Variants in CSMD1 observed in about 807,000 individuals in gnomAD.
CSMD1 encodes the protein CUB and Sushi multiple domains 1.
In CSMD1, 213 loss-of-function variants were observed where a neutral mutation model predicts 417.5. That is an observed-to-expected ratio of 0.51 (90% CI 0.46 to 0.57). CSMD1 has a LOEUF of 0.57. Among genes scored for constraint, CSMD1 ranks in the 20% least tolerant of loss-of-function variants. CSMD1 has a pLI of 0.00. For synonymous variants in CSMD1, 2,862 were observed against 1,736.8 expected (o/e 1.65, Z -16.11); for missense variants, 6,923 against 4,529.7 (o/e 1.53, Z -15.17).
chr8:4,413,305 T>C (rs893395650), intron 3 of CSMD1, among the ~76,000 whole-genome samples: 6 of 152,180 alleles, frequency 3.9e-5, no homozygotes, highest in Admixed American at 1.3e-4. Context: ...TTGGGCTCTG[T>C]GCTTTTAACT....
chr8:3,672,321 A>G (rs1385164891), intron 7 of CSMD1, among the ~76,000 whole-genome samples: 3 of 150,322 alleles, frequency 2.0e-5, no homozygotes, highest in African/African-American at 4.9e-5. Flanking sequence ...GGTTCTCCCA[A>G]TGGCTTCTGA....
intron 38 of CSMD1, among the ~76,000 whole-genome samples, chr8:3,158,421 C>G (rs2129038721): frequency 6.6e-6 from 1 of 152,070 alleles, no homozygotes; most frequent in East Asian, 1.9e-4. Context: ...GTTGTCTGTG[C>G]TTCCGCGTCA....
chr8:4,287,232 T>C (rs150939781), intron 3 of CSMD1, among the ~76,000 whole-genome samples: 2,017 of 152,306 alleles, frequency 0.013, 22 homozygotes, highest in Non-Finnish European at 0.019. Context: ...CTCTATTTCC[T>C]GGCAAGTTCT....
At chr8:4,104,307 T>C (rs1025828765) in intron 3 of CSMD1, among the ~76,000 whole-genome samples, 2 of 152,242 alleles carry the variant, frequency 1.3e-5, no homozygotes, top group Non-Finnish European at 2.9e-5. Context: ...TGTGCAAGGA[T>C]TGGTGTTCTC....
In CSMD1 at chr8:4,307,066, C is replaced by G. The variant is rs146639034; in HGVS notation, c.415+112887G>C. On this transcript the variant is annotated intron_variant, in intron 3 of 69. Transcript: ENST00000635120. ...GGGTTTATGGTATCCTCATCACAAC[C>G]CTGCTCCCACTATTGCCAATTTCAA... is the stretch of plus-strand genomic sequence containing the variant. Among the ~76,000 whole-genome samples, 10 of 152,204 alleles carry G rather than the reference C, an allele frequency of 6.6e-5. No homozygotes were observed. In the East Asian group the frequency reaches 1.7e-3, roughly 27 times the overall value.
chr8:3,272,616 G>T (rs1183292778), intron 26 of CSMD1, among the ~76,000 whole-genome samples: 1 of 136,982 alleles, frequency 7.3e-6, no homozygotes, highest in African/African-American at 2.8e-5. Context: ...TTGAGCAGTG[G>T]TTTGTAGTTC....
chr8:3,714,101 T>C (rs917240623), intron 6 of CSMD1, among the ~76,000 whole-genome samples: 5 of 150,720 alleles, frequency 3.3e-5, no homozygotes, highest in South Asian at 2.1e-4. Flanking sequence ...TGTATATATA[T>C]AAATGTATAA....
intron 3 of CSMD1, among the ~76,000 whole-genome samples, chr8:4,159,008 C>G (rs539464849): frequency 1.3e-5 from 2 of 152,146 alleles, no homozygotes; most frequent in African/African-American, 4.8e-5. Flanking sequence ...CTTCACCTCC[C>G]AGATTCAAGC....
chr8:3,310,720 A>T (rs1482366504), intron 23 of CSMD1, among the ~76,000 whole-genome samples: 1 of 151,448 alleles, frequency 6.6e-6, no homozygotes, highest in African/African-American at 2.4e-5. Flanking sequence ...GCCCATGCTA[A>T]CAGGGCATCC....
rs181567888 is a variant in CSMD1, at chr8:3,294,741, G to C, written c.3951-10395C>G. On this transcript the variant is annotated intron_variant, in intron 25 of 69. Transcript: ENST00000635120. ...ATCTGTCACCCCTTTCTTTGACTAG[G>C]ATAGGGAATTCCCTGACCCCTTGCA... Among the ~76,000 whole-genome samples, 324 of 152,260 alleles carry C rather than the reference G, an allele frequency of 2.1e-3. 2 individuals are homozygous for C. The highest frequency in any genetic ancestry group is 7.3e-3 in the African/African-American group (303 of 41,542).
intron 5 of CSMD1, among the ~76,000 whole-genome samples, chr8:3,891,438 G>C (rs1585149240): frequency 1.3e-5 from 2 of 152,182 alleles, no homozygotes; most frequent in South Asian, 4.1e-4. Context: ...CCAGAACTTT[G>C]GGAGGCCAAG....
rs80030392 is a variant in CSMD1 at position 4,826,034 on chromosome 8, A to T, written c.85+168298T>A. On this transcript the variant is annotated intron_variant, in intron 1 of 69. Transcript: ENST00000635120. ...AAATTAGAACCCTTTTTCACTGTCCATTGAACATGAAACAGCACAGCCATT... is the reference window on the plus strand; with the variant it reads ...AAATTAGAACCCTTTTTCACTGTCCTTTGAACATGAAACAGCACAGCCATT... Among the ~76,000 whole-genome samples the T allele has an allele frequency of 5.3e-3, 806 of 152,156 alleles. 19 individuals carry two copies. The highest frequency in any genetic ancestry group is 0.038 in the East Asian group (196 of 5,178).
At chr8:2,943,198 A>G (rs923338218) in intron 68 of CSMD1, among the ~76,000 whole-genome samples, 3 of 152,012 alleles carry the variant, frequency 2.0e-5, no homozygotes, top group Admixed American at 1.3e-4. Flanking sequence ...TAATGCTAAA[A>G]TGTAACTTTT....
intron 2 of CSMD1, among the ~76,000 whole-genome samples, chr8:4,591,957 CTAGA>C (rs1800009086): frequency 6.6e-6 from 1 of 152,034 alleles, no homozygotes; most frequent in South Asian, 2.1e-4. Context: ...GTGCAAACGC[CTAGA>C]TAGATGGAGA....
intron 3 of CSMD1, among the ~76,000 whole-genome samples, chr8:4,394,830 C>A (rs1157465276): frequency 6.6e-6 from 1 of 152,132 alleles, no homozygotes; most frequent in African/African-American, 2.4e-5. Flanking sequence ...TGGATTTTTT[C>A]ATGGTCCTTT....
chr8:4,814,838 C>T (rs567621119), intron 1 of CSMD1, among the ~76,000 whole-genome samples: 40 of 152,008 alleles, frequency 2.6e-4, no homozygotes, highest in South Asian at 2.5e-3. Flanking sequence ...TATAATACTG[C>T]GGACTCTTAA....
chr8:4,012,223 G>C (rs73182059), intron 4 of CSMD1, among the ~76,000 whole-genome samples: 12,310 of 151,916 alleles, frequency 0.081, 556 homozygotes, highest in Middle Eastern at 0.13. Context: ...TTACTCACTC[G>C]TCTCTTTAGA....
chr8:4,973,736 T>A (rs562594446), intron 1 of CSMD1, among the ~76,000 whole-genome samples: 1 of 152,282 alleles, frequency 6.6e-6, no homozygotes, highest in African/African-American at 2.4e-5. Context: ...CTTGCTGATG[T>A]GCATTTATTT....
chr8:2,957,874 C>T (rs1803132510), intron 62 of CSMD1, 67 bp from the exon 63 acceptor site: 1 of 1,078,408 alleles, frequency 9.3e-7, no homozygotes, highest in African/African-American at 1.6e-5. Flanking sequence ...CTAGTGATAC[C>T]TGAAAGTACA....
Sources: allele counts gnomAD v4.1 joint callset (sites outside exome capture counted in the v4.1 genomes callset), GRCh38; gene constraint gnomAD v4.1.1; transcripts MANE v1.5; gene names NCBI Gene and HGNC (gene_info 2026-07-23, HGNC 2026-07-21).